DNAJC2: variants seen among roughly 807,000 people sequenced by gnomAD.
DNAJC2 encodes the protein DnaJ heat shock protein family (Hsp40) member C2, also known as dnaJ homolog subfamily C member 2.
Under a neutral mutation model 94.0 loss-of-function variants are expected in DNAJC2, and 32 were observed. That is an observed-to-expected ratio of 0.34 (90% CI 0.26 to 0.46). The LOEUF is 0.46. DNAJC2 is among the 20% of genes least tolerant of loss of function. The pLI is 1.00. For missense variants in DNAJC2, 550 were observed against 719.5 expected, an observed-to-expected ratio of 0.76 and a Z score of 2.69; for synonymous variants, 210 against 229.7, an observed-to-expected ratio of 0.91 and a Z score of 0.77.
intron 7 of DNAJC2, 139 bp from the exon 8 acceptor site, chr7:103,322,933 A>ATTT: frequency 1.2e-5 from 7 of 581,058 alleles, no homozygotes; most frequent in South Asian, 2.7e-5. Context: ...TTAAACAATG[A>ATTT]TTTTTTTTTT....
At position 103,341,929 on chromosome 7, in the gene DNAJC2, A is replaced by G; in HGVS notation, c.90T>C (p.Pro30=). Residue 30 remains proline, a synonymous_variant, in exon 2 of 17, where the codon CCT becomes CCC. Transcript: ENST00000379263. ...CAAAAGCTTCAAACCATCTTCCCAC[A>G]GGTTCAACTTGACAGAGTGTAGAGG... ...TSASTLCQVE[P]VGRWFEAFVK... 6.2e-7 allele frequency: 1 copy of G among 1,606,590 alleles called. No individual in the cohort carries two copies. Among genetic ancestry groups the G allele is most frequent in the Non-Finnish European group, 8.5e-7 (1 of 1,177,312 alleles).
chr7:103,321,372 G>T (rs1017959492), intron 10 of DNAJC2, among the ~76,000 whole-genome samples: 2 of 151,954 alleles, frequency 1.3e-5, no homozygotes, highest in African/African-American at 4.8e-5. Flanking sequence ...CAAAAAATTA[G>T]CCAGGCGTGG....
intron 3 of DNAJC2, among the ~76,000 whole-genome samples, chr7:103,328,714 C>T (rs969712454): frequency 1.3e-5 from 2 of 152,044 alleles, no homozygotes; most frequent in African/African-American, 2.4e-5. Flanking sequence ...CACATTATAG[C>T]GTTTGCATTT....
At chr7:103,328,655 A>G (rs1224432395) in intron 3 of DNAJC2, among the ~76,000 whole-genome samples, 1 of 152,128 alleles carries the variant, frequency 6.6e-6, no homozygotes, top group Admixed American at 6.5e-5. Flanking sequence ...GAAAAAAACA[A>G]TTCAGATGTA....
intron 1 of DNAJC2, among the ~76,000 whole-genome samples, chr7:103,343,665 A>C (rs959920994): frequency 6.6e-6 from 1 of 152,232 alleles, no homozygotes; most frequent in African/African-American, 2.4e-5. Flanking sequence ...ATCACTGTAC[A>C]TGTGTATACT....
rs1349591694 is a variant in DNAJC2 at position 103,329,016 on chromosome 7, C to T, written c.332-1262G>A. 7.1e-6 allele frequency: 9 copies of T among 1,270,226 alleles called. No individual in the cohort carries two copies. In the South Asian group the frequency reaches 1.2e-4, roughly 16 times the overall value. The allele number at this position is 1,270,226 out of a possible 1,614,324, so 78.7% of individuals were successfully genotyped here. On this transcript the variant is annotated intron_variant, in intron 3 of 16. Coordinates refer to ENST00000379263, the MANE Select transcript of DNAJC2 (RefSeq NM_014377.3). ...AAACTATTTCATACTCCTACGTGAA[C>T]ATCCTTTTACCACAGCCTCAGCCAC...
At chr7:103,313,403 A>G (rs981192873) in intron 15 of DNAJC2, 3 of 984,172 alleles carry the variant, frequency 3.0e-6, no homozygotes, top group Non-Finnish European at 3.6e-6. Context: ...GTAAAAAGCC[A>G]TATTTAAATT....
intron 12 of DNAJC2, among the ~76,000 whole-genome samples, chr7:103,317,943 G>A (rs1229635095): frequency 7.9e-6 from 1 of 126,076 alleles, no homozygotes; most frequent in Non-Finnish European, 1.6e-5. Flanking sequence ...GAGCCACCAC[G>A]CTCATAGTGC....
chr7:103,320,026 T>TC (rs1818294451), intron 10 of DNAJC2, among the ~76,000 whole-genome samples, 182 bp from the exon 11 acceptor site: 1 of 152,100 alleles, frequency 6.6e-6, no homozygotes, highest in East Asian at 1.9e-4. Context: ...AGAGCAAGAC[T>TC]CCATCTCAAA....
At chr7:103,314,040 A>C (rs539297661) in intron 15 of DNAJC2, 1 of 985,308 alleles carries the variant, frequency 1.0e-6, no homozygotes, top group Admixed American at 6.1e-5. Context: ...AAAACAAAAC[A>C]AAACAAAACC....
Position 103,313,764 on chromosome 7 carries a change from G to C in DNAJC2, c.1637-663C>G, listed in dbSNP as rs1238915461. The C allele has an allele frequency of 5.1e-6, 5 of 985,088 alleles. No homozygotes were observed. In the African/African-American group the frequency reaches 8.7e-5, roughly 17 times the overall value. 61.0% of individuals were successfully genotyped at this position (985,088 alleles called of 1,614,324 possible). On this transcript the variant is annotated intron_variant, in intron 15 of 16. Coordinates refer to ENST00000379263, the MANE Select transcript of DNAJC2 (RefSeq NM_014377.3). ...CTTGTATATTTCAGAAAACATCTAAGATGTGTGTCAGAAACAAATATGTTT... is the reference window on the plus strand; with the variant it reads ...CTTGTATATTTCAGAAAACATCTAACATGTGTGTCAGAAACAAATATGTTT...
intron 2 of DNAJC2, 99 bp downstream of exon 2, chr7:103,341,665 G>A: frequency 9.9e-7 from 1 of 1,006,136 alleles, no homozygotes; most frequent in Non-Finnish European, 1.4e-6. Context: ...TTATCTTGCT[G>A]AATCATCTTA....
At chr7:103,343,188 A>G (rs982146840) in intron 1 of DNAJC2, among the ~76,000 whole-genome samples, 1 of 151,910 alleles carries the variant, frequency 6.6e-6, no homozygotes, top group African/African-American at 2.4e-5. Flanking sequence ...TTTAGTAGAG[A>G]CAGGGTTTCA....
Position 103,315,780 on chromosome 7 carries a change from A to G in DNAJC2, c.1620T>C (p.Pro540=). 2 of 1,613,548 alleles carry G rather than the reference A, an allele frequency of 1.2e-6. No individual in the cohort carries two copies. The highest frequency in any genetic ancestry group is 1.7e-6 in the Non-Finnish European group (2 of 1,179,652). Residue 540 remains proline, a synonymous_variant, in exon 15 of 17, where the codon CCT becomes CCC. Coordinates refer to ENST00000379263, the MANE Select transcript of DNAJC2 (RefSeq NM_014377.3). ...AAAATTTACCTTCAAATCGTTCTGA[A>G]GGCGTTGCGTTGTCTGCTTGAGGTA... The part of the protein sequence containing the change: ...GVVPQADNAT[P]SERFEGPYTD...
chr7:103,344,743 G>C lies in DNAJC2; in HGVS notation c.-121C>G, dbSNP rs1004469610. The stretch of plus-strand genomic sequence containing the variant: ...CGCGCCTTGGCTCTAAGACGCCCAG[G>C]AACCGGCGCATGGAGACGACCAGTA... On this transcript the variant is annotated 5_prime_UTR_variant, in exon 1 of 17. Coordinates refer to ENST00000379263, the MANE Select transcript of DNAJC2 (RefSeq NM_014377.3). 9.8e-7 allele frequency: 1 copy of C among 1,018,556 alleles called. No individual in the cohort carries two copies. The highest frequency in any genetic ancestry group is 1.6e-5 in the African/African-American group (1 of 63,164). The allele number at this position is 1,018,556 out of a possible 1,614,324, so 63.1% of individuals were successfully genotyped here.
chr7:103,327,825 C>A, intron 3 of DNAJC2, 71 bp from the exon 4 acceptor site: 1 of 904,788 alleles, frequency 1.1e-6, no homozygotes, highest in Admixed American at 2.4e-5. Flanking sequence ...TACATGTAGA[C>A]CATTTCTAAA....
chr7:103,340,925 C>T (rs575662030), intron 2 of DNAJC2, among the ~76,000 whole-genome samples: 1 of 152,318 alleles, frequency 6.6e-6, no homozygotes, highest in Admixed American at 6.5e-5. Context: ...AACAGCACCT[C>T]CCACAAACAT....
At chr7:103,322,207 A>G (rs1457970509) in intron 9 of DNAJC2, 126 bp from the exon 10 acceptor site, 13 of 724,758 alleles carry the variant, frequency 1.8e-5, no homozygotes, top group Non-Finnish European at 1.8e-5. Flanking sequence ...CTTATTGAAA[A>G]CTGAAGGATG....
At position 103,315,838 on chromosome 7, in the gene DNAJC2, G is replaced by A. The variant is rs1193908607; in HGVS notation, c.1562C>T (p.Ala521Val). The A allele has an allele frequency of 5.0e-6, 8 of 1,613,260 alleles. No individual in the cohort carries two copies. Among genetic ancestry groups the A allele is most frequent in the African/African-American group, 1.3e-5 (1 of 74,828 alleles). ...ATGTTCTTTTTTGAACTTATCAAATGCCTTTTTATTTATGTCATCTTTTTG... is the reference window on the plus strand; with the variant it reads ...ATGTTCTTTTTTGAACTTATCAAATACCTTTTTATTTATGTCATCTTTTTG... The part of the protein sequence containing the change: ...PHQKDDINKK[A>V]FDKFKKEHGV... The change falls in exon 15 of 17, where the codon GCA (alanine) becomes GTA (valine). Residue 521 changes from alanine to valine, a missense_variant. By Grantham distance (64) the Ala-to-Val change is moderately conservative. Transcript: ENST00000379263.
Sources: gnomAD v4.1 joint callset for allele counts (sites outside exome capture counted in the v4.1 genomes callset) on GRCh38, gnomAD v4.1.1 for gene constraint, MANE v1.5 for transcripts, NCBI Gene and HGNC (gene_info 2026-07-23, HGNC 2026-07-21) for gene names.